LIN52: variants seen among roughly 807,000 people sequenced by gnomAD.
LIN52 encodes lin-52 DREAM MuvB core complex component, also known as protein lin-52 homolog.
LIN52 carries 4 observed loss-of-function variants against 18.5 expected under a neutral mutation model. The ratio of observed to expected loss-of-function variants is 0.22; its 90% CI spans 0.11 to 0.49. LIN52 has a LOEUF of 0.49. Ranked by LOEUF, LIN52 falls within the 20% of genes least tolerant of loss-of-function variation. The pLI is 0.97. For synonymous variants in LIN52, 34 were observed against 45.5 expected (o/e 0.75, Z 1.02); for missense variants, 102 against 139.5 (o/e 0.73, Z 1.35).
At chr14:74,093,903 G>A (rs1047951077) in intron 2 of LIN52, among the ~76,000 whole-genome samples, 1 of 151,698 alleles carries the variant, frequency 6.6e-6, no homozygotes, top group Admixed American at 6.6e-5. Context: ...GGAGGCAGAG[G>A]TTGCAGTGAG....
chr14:74,133,024 AAC>A (rs2061077434), intron 5 of LIN52, among the ~76,000 whole-genome samples: 1 of 152,102 alleles, frequency 6.6e-6, no homozygotes, highest in African/African-American at 2.4e-5. Flanking sequence ...TAAAAAAAAA[AAC>A]AACCCATTTC....
chr14:74,191,341 A>C (rs570133403), intron 5 of LIN52, among the ~76,000 whole-genome samples: 3 of 152,276 alleles, frequency 2.0e-5, no homozygotes, highest in Admixed American at 1.3e-4. Flanking sequence ...TATCTAGTAC[A>C]TAGTGTGTGC....
chr14:74,137,166 A>G (rs2061102265), intron 5 of LIN52, among the ~76,000 whole-genome samples: 1 of 140,334 alleles, frequency 7.1e-6, no homozygotes, highest in Non-Finnish European at 1.6e-5. Context: ...ATATATATAT[A>G]TATATATTTT....
In LIN52 at chr14:74,183,085, TTC is replaced by T. The variant is rs200164383; in HGVS notation, c.284-15819_284-15818del. Among the ~76,000 whole-genome samples the T allele has an allele frequency of 2.7e-3, 395 of 145,496 alleles. 57 individuals are homozygous for T. Among genetic ancestry groups the T allele is most frequent in the Middle Eastern group, 7.1e-3 (2 of 280 alleles). ...ACATTCGTGACATGAAAAGTTACCC[TTC>T]TCTCTCTCTCTCTCTCTTTTTTTTT... On this transcript the variant is annotated intron_variant, in intron 5 of 5. Coordinates refer to ENST00000555028, the MANE Select transcript of LIN52 (RefSeq NM_001024674.3).
chr14:74,157,280 G>T (rs945917271), intron 5 of LIN52, among the ~76,000 whole-genome samples: 1 of 151,504 alleles, frequency 6.6e-6, no homozygotes, highest in Admixed American at 6.6e-5. Flanking sequence ...TGATCCTCCC[G>T]CCTCAGCCTC....
chr14:74,172,412 T>C (rs1203811321), intron 5 of LIN52, among the ~76,000 whole-genome samples: 4 of 152,232 alleles, frequency 2.6e-5, no homozygotes, highest in Non-Finnish European at 4.4e-5. Context: ...TAATAAATTA[T>C]ATCTACTTAT....
intron 1 of LIN52, among the ~76,000 whole-genome samples, chr14:74,090,018 C>CTTTTT (rs34660535): frequency 1.6e-5 from 2 of 125,858 alleles, no homozygotes; most frequent in African/African-American, 3.0e-5. Context: ...ACAGTGCACT[C>CTTTTT]TTTTTTTTTT....
intron 5 of LIN52, among the ~76,000 whole-genome samples, chr14:74,139,524 A>G (rs1409476134): frequency 6.6e-6 from 1 of 152,150 alleles, no homozygotes; most frequent in Non-Finnish European, 1.5e-5. Flanking sequence ...CTGTTAAAGG[A>G]TCTTGCAGAC....
chr14:74,115,451 A>T (rs72725960), intron 5 of LIN52, among the ~76,000 whole-genome samples: 15,359 of 151,142 alleles, frequency 0.1, 844 homozygotes, highest in South Asian at 0.18. Flanking sequence ...AAGCCAGAGA[A>T]CTTGATTGAA....
chr14:74,116,506 G>A (rs186214555), intron 5 of LIN52, among the ~76,000 whole-genome samples: 1 of 152,100 alleles, frequency 6.6e-6, no homozygotes, highest in Non-Finnish European at 1.5e-5. Flanking sequence ...AGGAGTTCGA[G>A]ACCAGCCTGG....
In LIN52 at chr14:74,122,284, C is replaced by T. The variant is rs139991787; in HGVS notation, c.283+21046C>T. Among the ~76,000 whole-genome samples, 712 of 152,134 alleles carry T rather than the reference C, an allele frequency of 4.7e-3. 2 individuals are homozygous for T. The highest frequency in any genetic ancestry group is 0.014 in the African/African-American group (601 of 41,492). ...TATTGTAGCTATGTAGGAGAATATCCTTGTTCTTAGGAGACAATGCTGAAG... is the reference window on the plus strand; with the variant it reads ...TATTGTAGCTATGTAGGAGAATATCTTTGTTCTTAGGAGACAATGCTGAAG... On this transcript the variant is annotated intron_variant, in intron 5 of 5. Coordinates refer to ENST00000555028, the MANE Select transcript of LIN52 (RefSeq NM_001024674.3).
intron 5 of LIN52, among the ~76,000 whole-genome samples, chr14:74,176,731 A>G (rs2061296005): frequency 6.6e-6 from 1 of 152,170 alleles, no homozygotes; most frequent in African/African-American, 2.4e-5. Flanking sequence ...CTGAAATTTT[A>G]TGCAGCACAT....
At chr14:74,133,843 CT>C (rs1271770479) in intron 5 of LIN52, among the ~76,000 whole-genome samples, 2 of 152,128 alleles carry the variant, frequency 1.3e-5, no homozygotes, top group Non-Finnish European at 1.5e-5. Context: ...GCAATTTGGC[CT>C]GTTTACAGAC....
chr14:74,172,920 G>T (rs891852707), intron 5 of LIN52, among the ~76,000 whole-genome samples: 15 of 152,038 alleles, frequency 9.9e-5, no homozygotes, highest in African/African-American at 3.6e-4. Context: ...TCTTCAAATT[G>T]TGAATGCAAA....
intron 5 of LIN52, among the ~76,000 whole-genome samples, chr14:74,152,200 C>G (rs2061179373): frequency 6.6e-6 from 1 of 150,774 alleles, no homozygotes; most frequent in South Asian, 2.1e-4. Flanking sequence ...GAGGCGGAGG[C>G]TGCAGTGAGC....
intron 5 of LIN52, among the ~76,000 whole-genome samples, chr14:74,109,860 T>G (rs2060916572): frequency 6.6e-6 from 1 of 152,254 alleles, no homozygotes; most frequent in Non-Finnish European, 1.5e-5. Context: ...AGTAGATTAT[T>G]TATAATTTTC....
At chr14:74,172,608 C>T (rs1036734867) in intron 5 of LIN52, among the ~76,000 whole-genome samples, 2 of 152,148 alleles carry the variant, frequency 1.3e-5, no homozygotes, top group African/African-American at 4.8e-5. Context: ...TAGGACTGAG[C>T]AGGTTATGTG....
At chr14:74,174,078 T>G (rs2061282131) in intron 5 of LIN52, among the ~76,000 whole-genome samples, 1 of 152,244 alleles carries the variant, frequency 6.6e-6, no homozygotes, top group South Asian at 2.1e-4. Flanking sequence ...TCTCTGCATT[T>G]AATTTTTGCT....
chr14:74,135,775 A>G (rs2061093970), intron 5 of LIN52, among the ~76,000 whole-genome samples: 1 of 152,020 alleles, frequency 6.6e-6, no homozygotes. Flanking sequence ...TAATCTCTTC[A>G]GGCCCCTTTG....
Sources: allele counts gnomAD v4.1 joint callset (sites outside exome capture counted in the v4.1 genomes callset), GRCh38; gene constraint gnomAD v4.1.1; transcripts MANE v1.5; gene names NCBI Gene and HGNC (gene_info 2026-07-23, HGNC 2026-07-21).